The following SERTM1 variants were observed in gnomAD, a reference collection of about 807,000 sequenced individuals.
SERTM1 encodes the protein serine rich and transmembrane domain containing 1.
SERTM1 carries 1 observed loss-of-function variant against 5.5 expected under a neutral mutation model. The ratio of observed to expected loss-of-function variants is 0.18; its 90% CI spans 0.06 to 0.86. SERTM1 has a LOEUF of 0.86. Among genes scored for constraint, SERTM1 ranks in the 40% least tolerant of loss-of-function variants. The pLI is 0.69. For synonymous variants in SERTM1, 52 were observed against 55.1 expected, an observed-to-expected ratio of 0.94 and a Z score of 0.25; for missense variants, 91 against 122.4, an observed-to-expected ratio of 0.74 and a Z score of 1.21.
At chr13:36,692,026 G>T (rs1220469695) in intron 1 of SERTM1, among the ~76,000 whole-genome samples, 1 of 152,200 alleles carries the variant, frequency 6.6e-6, no homozygotes, top group Non-Finnish European at 1.5e-5. Flanking sequence ...TTGTTTCAGA[G>T]TATGAAATGA....
intron 1 of SERTM1, among the ~76,000 whole-genome samples, chr13:36,690,921 G>A (rs755705230): frequency 1.3e-5 from 2 of 152,142 alleles, no homozygotes; most frequent in Non-Finnish European, 2.9e-5. Flanking sequence ...TAACAGCCAG[G>A]CCACTCTTTA....
At position 36,695,726 on chromosome 13, in the gene SERTM1, G is replaced by A. The variant is rs2056809347; in HGVS notation, c.*324G>A. On this transcript the variant is annotated 3_prime_UTR_variant, in exon 2 of 2. Coordinates refer to ENST00000315190, the MANE Select transcript of SERTM1 (RefSeq NM_203451.3). ...CATCTGAGGTGGCCTCTCCGTGGAT[G>A]CTGGACATGGACTCGCACTTCATTT... The A allele has an allele frequency of 1.0e-5, 3 of 288,768 alleles. No individual in the cohort carries two copies. Among genetic ancestry groups the A allele is most frequent in the Non-Finnish European group, 2.0e-5 (3 of 147,040 alleles). The allele number at this position is 288,768 out of a possible 1,614,324, so 17.9% of individuals were successfully genotyped here.
At chr13:36,682,241 C>A (rs1408781675) in intron 1 of SERTM1, among the ~76,000 whole-genome samples, 1 of 152,184 alleles carries the variant, frequency 6.6e-6, no homozygotes, top group Non-Finnish European at 1.5e-5. Context: ...ATGCAGCCAT[C>A]TAACAAATGC....
intron 1 of SERTM1, among the ~76,000 whole-genome samples, chr13:36,686,569 C>T (rs540343304): frequency 7.2e-5 from 11 of 152,116 alleles, no homozygotes; most frequent in African/African-American, 2.4e-4. Flanking sequence ...CGTAAGTGTG[C>T]ATACTTTTTT....
chr13:36,687,570 G>T (rs969648364), intron 1 of SERTM1, among the ~76,000 whole-genome samples: 1 of 151,556 alleles, frequency 6.6e-6, no homozygotes, highest in Non-Finnish European at 1.5e-5. Context: ...GTTATTCCTT[G>T]TTGTATTCTT....
Position 36,697,246 on chromosome 13 carries a change from CATT to C in SERTM1, c.*1849_*1851del, listed in dbSNP as rs2056820693. On this transcript the variant is annotated 3_prime_UTR_variant, in exon 2 of 2. Coordinates refer to ENST00000315190, the MANE Select transcript of SERTM1 (RefSeq NM_203451.3). ...GACTAGATAAACTGCTATTTTAGAGCATTATTAGCATTCTCTGAATATATGTAT... is the reference window on the plus strand; with the variant it reads ...GACTAGATAAACTGCTATTTTAGAGCATTAGCATTCTCTGAATATATGTAT... 1 of 164,146 alleles carries C rather than the reference CATT, an allele frequency of 6.1e-6. No individual in the cohort carries two copies. The highest frequency in any genetic ancestry group is 2.5e-5 in the African/African-American group (1 of 40,414). 10.2% of individuals were successfully genotyped at this position (164,146 alleles called of 1,614,324 possible).
At chr13:36,691,303 A>C (rs542689957) in intron 1 of SERTM1, among the ~76,000 whole-genome samples, 1 of 152,166 alleles carries the variant, frequency 6.6e-6, no homozygotes, top group South Asian at 2.1e-4. Context: ...CGTGGGAAGG[A>C]AGTTCTTTAA....
At position 36,695,051 on chromosome 13, in the gene SERTM1, C is replaced by T. The variant is rs1331858214; in HGVS notation, c.-28C>T. On this transcript the variant is annotated 5_prime_UTR_variant, in exon 2 of 2. Transcript: ENST00000315190. ...TGTGTGAAGTTTTGACTTTAATCTA[C>T]CAGATCACTCCTTCACCCTCCATAA... The T allele has an allele frequency of 1.3e-6, 2 of 1,546,210 alleles. No individual in the cohort carries two copies. Among genetic ancestry groups the T allele is most frequent in the South Asian group, 1.2e-5 (1 of 85,848 alleles).
chr13:36,693,068 G>A (rs533870377), intron 1 of SERTM1, among the ~76,000 whole-genome samples: 1 of 152,330 alleles, frequency 6.6e-6, no homozygotes, highest in East Asian at 1.9e-4. Context: ...ATTGAGACCA[G>A]ATGTTATAGG....
At position 36,697,119 on chromosome 13, in the gene SERTM1, A is replaced by G. The variant is rs1339638856; in HGVS notation, c.*1717A>G. The G allele has an allele frequency of 6.0e-6, 1 of 166,960 alleles. No homozygotes were observed. The allele number at this position is 166,960 out of a possible 1,614,324, so 10.3% of individuals were successfully genotyped here. A position where few individuals can be genotyped will look rare whatever the true frequency, so the allele number is the denominator to read the frequency against. On this transcript the variant is annotated 3_prime_UTR_variant, in exon 2 of 2. Coordinates refer to ENST00000315190, the MANE Select transcript of SERTM1 (RefSeq NM_203451.3). ...CGTCCCCAAACACCATAAGACCAGC[A>G]CAGAGTTGCTGCCCTAAAATGTATA...
chr13:36,688,932 T>C (rs891372421), intron 1 of SERTM1, among the ~76,000 whole-genome samples: 1 of 152,184 alleles, frequency 6.6e-6, no homozygotes, highest in Non-Finnish European at 1.5e-5. Flanking sequence ...TTACTCCTTT[T>C]CTTGTTTTGA....
intron 1 of SERTM1, among the ~76,000 whole-genome samples, chr13:36,693,394 C>CT (rs569147311): frequency 0.27 from 38,748 of 144,752 alleles, 5,014 homozygotes; most frequent in East Asian, 0.32. Flanking sequence ...TCTTCTTCTT[C>CT]TTTTTTTTTT....
intron 1 of SERTM1, among the ~76,000 whole-genome samples, chr13:36,681,648 G>A (rs2056705947): frequency 6.6e-6 from 1 of 152,182 alleles, no homozygotes; most frequent in African/African-American, 2.4e-5. Context: ...CCACAGATGA[G>A]CACAGTGTCA....
chr13:36,694,183 T>C lies in SERTM1; in HGVS notation c.-173-723T>C, dbSNP rs141896802. Among the ~76,000 whole-genome samples the C allele has an allele frequency of 2.0e-4, 30 of 152,344 alleles. No individual in the cohort carries two copies. In the East Asian group the frequency reaches 5.8e-3, roughly 29 times the overall value. ...GTGATGCTCAGAAAACGTAGGTAAT[T>C]TGCCCAGTTTCCCAAAGATAATGGA... On this transcript the variant is annotated intron_variant, in intron 1 of 1. Transcript: ENST00000315190.
At chr13:36,687,417 AT>A (rs1409566576) in intron 1 of SERTM1, among the ~76,000 whole-genome samples, 2 of 151,954 alleles carry the variant, frequency 1.3e-5, no homozygotes, top group African/African-American at 4.8e-5. Flanking sequence ...TAATGCTGAA[AT>A]TTTTTTTCAG....
chr13:36,677,981 GA>G (rs200441287), intron 1 of SERTM1, among the ~76,000 whole-genome samples: 2 of 149,338 alleles, frequency 1.3e-5, no homozygotes, highest in African/African-American at 2.5e-5. Context: ...GTCAAACTTT[GA>G]AAAAAAAATG....
intron 1 of SERTM1, among the ~76,000 whole-genome samples, chr13:36,683,816 C>T (rs552816244): frequency 3.0e-4 from 45 of 152,240 alleles, no homozygotes; most frequent in Non-Finnish European, 3.1e-4. Context: ...GACAGGCCTA[C>T]GAGAAGGGAC....
rs2056817015 is a variant in SERTM1, at chr13:36,696,785, C to T, written c.*1383C>T. ...CCACAGGGTAAACACTGAACTTATT[C>T]AACCTACAGGAGGCCACTGCATCAA... On this transcript the variant is annotated 3_prime_UTR_variant, in exon 2 of 2. Transcript: ENST00000315190. 1 of 167,038 alleles carries T rather than the reference C, an allele frequency of 6.0e-6. No individual in the cohort carries two copies. The highest frequency in any genetic ancestry group is 1.5e-5 in the Non-Finnish European group (1 of 68,108). The allele number at this position is 167,038 out of a possible 1,614,324, so 10.3% of individuals were successfully genotyped here. A position where few individuals can be genotyped will look rare whatever the true frequency, so the allele number is the denominator to read the frequency against.
At chr13:36,675,334 T>C (rs1000169550) in intron 1 of SERTM1, among the ~76,000 whole-genome samples, 6 of 152,226 alleles carry the variant, frequency 3.9e-5, no homozygotes, top group Non-Finnish European at 8.8e-5. Flanking sequence ...ACAGCGTTAC[T>C]GTCCTGGGGC....
Sources: gnomAD v4.1 joint callset for allele counts (sites outside exome capture counted in the v4.1 genomes callset) on GRCh38, gnomAD v4.1.1 for gene constraint, MANE v1.5 for transcripts, NCBI Gene and HGNC (gene_info 2026-07-23, HGNC 2026-07-21) for gene names.